The following CYP2C19 variants were observed in gnomAD, a reference collection of about 807,000 sequenced individuals.
CYP2C19 encodes the protein cytochrome P450 2C19.
CYP2C19 carries 59 observed loss-of-function variants against 40.9 expected under a neutral mutation model. The observed-to-expected ratio is 1.44, with a 90% CI of 1.17 to 1.79. The LOEUF (loss-of-function observed/expected upper bound fraction) is 1.79, where lower values mean the gene tolerates loss of function less well. Ranked by LOEUF, CYP2C19 falls within the 40% of genes most tolerant of loss-of-function variation. The pLI, the probability that CYP2C19 is intolerant of heterozygous loss-of-function variation, is 0.00. For missense variants in CYP2C19, 754 were observed against 596.9 expected (o/e 1.26, Z -2.74); for synonymous variants, 253 against 208.7 (o/e 1.21, Z -1.83).
intron 3 of CYP2C19, among the ~76,000 whole-genome samples, chr10:94,778,813 C>T (rs531755160): frequency 1.3e-5 from 2 of 152,178 alleles, no homozygotes; most frequent in Non-Finnish European, 2.9e-5. Context: ...TACATACAAA[C>T]GTATGTTTAT....
chr10:94,792,663 A>G lies in CYP2C19; in HGVS notation c.819+10666A>G, dbSNP rs552409083. On this transcript the variant is annotated intron_variant, in intron 5 of 8. Coordinates refer to ENST00000371321, the MANE Select transcript of CYP2C19 (RefSeq NM_000769.4). ...TCTGGGTTGAAAACTCTTTTCTTTA[A>G]GAATGTTGAATATTGGCTCCCATTC... is the stretch of plus-strand genomic sequence containing the variant. 5.3e-5 allele frequency among the ~76,000 whole-genome samples: 8 copies of G among 152,284 alleles called. No individual in the cohort carries two copies. The South Asian group carries it at 1.7e-3, about 32-fold the overall frequency.
At chr10:94,793,691 A>G (rs923872766) in intron 5 of CYP2C19, among the ~76,000 whole-genome samples, 3 of 152,118 alleles carry the variant, frequency 2.0e-5, no homozygotes, top group Admixed American at 6.5e-5. Context: ...GCAGAACAGC[A>G]AATGTTGCTG....
At chr10:94,807,721 T>A (rs1848854583) in intron 5 of CYP2C19, among the ~76,000 whole-genome samples, 1 of 152,166 alleles carries the variant, frequency 6.6e-6, no homozygotes, top group Admixed American at 6.5e-5. Context: ...TTTACCCATA[T>A]TTTAATTGTA....
intron 6 of CYP2C19, among the ~76,000 whole-genome samples, chr10:94,841,746 G>C (rs1849498411): frequency 6.6e-6 from 1 of 152,032 alleles, no homozygotes; most frequent in Admixed American, 6.6e-5. Context: ...TCTCTTCATG[G>C]ACCCACTGGC....
Position 94,852,886 on chromosome 10 carries a change from T to C in CYP2C19, c.1445T>C (p.Phe482Ser). 1.2e-6 allele frequency: 2 copies of C among 1,613,992 alleles called. No individual in the cohort carries two copies. Among genetic ancestry groups the C allele is most frequent in the Non-Finnish European group, 1.7e-6 (2 of 1,179,924 alleles). The change falls in exon 9 of 9, where the codon TTC becomes TCC. Residue 482 changes from phenylalanine (F) to serine (S), a missense_variant. Phe to Ser is a radical substitution (Grantham distance 155). Transcript: ENST00000371321. ...AATGGATTTGCTTCTGTCCCGCCCT[T>C]CTATCAGCTGTGCTTCATTCCTGTC... Reference protein sequence around the residue: ...VVNGFASVPPFYQLCFIPV With the variant: ...VVNGFASVPPSYQLCFIPV
intron 5 of CYP2C19, among the ~76,000 whole-genome samples, chr10:94,813,040 A>G (rs1338355795): frequency 6.6e-6 from 1 of 151,490 alleles, no homozygotes; most frequent in Non-Finnish European, 1.5e-5. Flanking sequence ...TGACCTTTGA[A>G]TGGGTTTTTT....
At chr10:94,803,774 A>G (rs1848797274) in intron 5 of CYP2C19, among the ~76,000 whole-genome samples, 1 of 152,154 alleles carries the variant, frequency 6.6e-6, no homozygotes, top group East Asian at 1.9e-4. Flanking sequence ...TGAATGCCTC[A>G]TGATCTGTCT....
rs553098067 is a variant in CYP2C19, at chr10:94,815,307, C to T, written c.820-5189C>T. The stretch of plus-strand genomic sequence containing the variant: ...ATCTAGTCTATTTCAGTGGTGTTAA[C>T]TACACAATGTTTAACATGACACAGG... On this transcript the variant is annotated intron_variant, in intron 5 of 8. Transcript: ENST00000371321. Among the ~76,000 whole-genome samples the T allele has an allele frequency of 4.6e-5, 7 of 152,260 alleles. No homozygotes were observed. The South Asian group carries it at 1.2e-3, about 27-fold the overall frequency.
chr10:94,771,598 T>G (rs924028899), intron 1 of CYP2C19, among the ~76,000 whole-genome samples: 2 of 152,056 alleles, frequency 1.3e-5, no homozygotes, highest in Non-Finnish European at 2.9e-5. Context: ...TGAGTCAAAT[T>G]GGTCCCAATG....
At chr10:94,828,372 C>G (rs373271444) in intron 6 of CYP2C19, among the ~76,000 whole-genome samples, 8,235 of 147,926 alleles carry the variant, frequency 0.056, 255 homozygotes, top group South Asian at 0.092. Flanking sequence ...ATATATTTAG[C>G]ATAGTTAGCT....
rs148915656 is a variant in CYP2C19, at chr10:94,853,505, G to A, written c.*591G>A. 6.0e-5 allele frequency among the ~76,000 whole-genome samples: 9 copies of A among 151,078 alleles called. No homozygotes were observed. The East Asian group carries it at 1.6e-3, about 26-fold the overall frequency. On this transcript the variant is annotated 3_prime_UTR_variant, in exon 9 of 9. Transcript: ENST00000371321. ...TCTAGGGAAATATTCAGAGGATCAGGTATTGGGAGGAATGGATATTAAATG... is the reference window on the plus strand; with the variant it reads ...TCTAGGGAAATATTCAGAGGATCAGATATTGGGAGGAATGGATATTAAATG...
At chr10:94,824,872 G>T (rs532000051) in intron 6 of CYP2C19, among the ~76,000 whole-genome samples, 1 of 143,908 alleles carries the variant, frequency 6.9e-6, no homozygotes, top group Non-Finnish European at 1.5e-5. Flanking sequence ...TGATCTCATT[G>T]TTCAATTCCC....
intron 6 of CYP2C19, among the ~76,000 whole-genome samples, chr10:94,820,873 T>G (rs1432139637): frequency 1.3e-5 from 2 of 152,110 alleles, no homozygotes; most frequent in Non-Finnish European, 2.9e-5. Flanking sequence ...CCATTGAGGC[T>G]AGGAGTTCAA....
chr10:94,839,955 T>C (rs1000958520), intron 6 of CYP2C19, among the ~76,000 whole-genome samples: 2 of 152,214 alleles, frequency 1.3e-5, no homozygotes, highest in African/African-American at 4.8e-5. Flanking sequence ...ACGTTAAGAT[T>C]TTTGAGTTAG....
At chr10:94,772,329 A>G (rs1042602559) in intron 1 of CYP2C19, among the ~76,000 whole-genome samples, 13 of 152,128 alleles carry the variant, frequency 8.5e-5, no homozygotes, top group Non-Finnish European at 1.6e-4. Context: ...CTGATTGGTG[A>G]GCCCGGGTGC....
At chr10:94,839,398 T>C (rs943689935) in intron 6 of CYP2C19, among the ~76,000 whole-genome samples, 1 of 151,524 alleles carries the variant, frequency 6.6e-6, no homozygotes, top group Admixed American at 6.6e-5. Context: ...TTTCCTGCCT[T>C]TCTTGACCAC....
chr10:94,768,595 C>A (rs1201671079), intron 1 of CYP2C19, among the ~76,000 whole-genome samples: 1 of 152,098 alleles, frequency 6.6e-6, no homozygotes, highest in African/African-American at 2.4e-5. Context: ...CCTAGTATGC[C>A]ATTTATATCA....
chr10:94,855,500 A>T lies in CYP2C19; in HGVS notation c.*2586A>T, dbSNP rs1236608241. Among the ~76,000 whole-genome samples, 1 of 152,210 alleles carries T rather than the reference A, an allele frequency of 6.6e-6. No individual in the cohort carries two copies. Among genetic ancestry groups the T allele is most frequent in the South Asian group, 2.1e-4 (1 of 4,830 alleles). On this transcript the variant is annotated 3_prime_UTR_variant, in exon 9 of 9. Transcript: ENST00000371321. ...TTTGGCTCACTAATGAATACCAGCC[A>T]CCTGAAACACTGTTTAGAAGATACT...
Position 94,820,542 on chromosome 10 carries a change from T to G in CYP2C19, c.866T>G (p.Ile289Ser), listed in dbSNP as rs1330282849. Residue 289 changes from isoleucine (I) to serine (S), a missense_variant, in exon 6 of 9, where the codon ATC (isoleucine) becomes AGC (serine). Physicochemically the swap from Ile to Ser is moderately radical, Grantham distance 142 (BLOSUM62 -2). Coordinates refer to ENST00000371321, the MANE Select transcript of CYP2C19 (RefSeq NM_000769.4). ...GAATTCACTATTGAAAACTTGGTAA[T>G]CACTGCAGCTGACTTACTTGGAGCT... ...QSEFTIENLV[I>S]TAADLLGAGT... is the part of the protein sequence containing the mutation. 6.2e-7 allele frequency: 1 copy of G among 1,614,172 alleles called. No homozygotes were observed. The highest frequency in any genetic ancestry group is 8.5e-7 in the Non-Finnish European group (1 of 1,180,030).
Sources: gnomAD v4.1 joint callset for allele counts (sites outside exome capture counted in the v4.1 genomes callset) on GRCh38, gnomAD v4.1.1 for gene constraint, MANE v1.5 for transcripts, NCBI Gene and HGNC (gene_info 2026-07-23, HGNC 2026-07-21) for gene names.